The following PCDHA7 variants were observed in gnomAD, a reference collection of about 807,000 sequenced individuals.
The protein encoded by PCDHA7 is protocadherin alpha-7.
PCDHA7 carries 37 observed loss-of-function variants against 57.2 expected under a neutral mutation model. The ratio of observed to expected loss-of-function variants is 0.65; its 90% CI spans 0.50 to 0.85. The LOEUF (loss-of-function observed/expected upper bound fraction) is 0.85. PCDHA7 is among the 40% of genes least tolerant of loss of function. The pLI is 0.00. For synonymous variants in PCDHA7, 553 were observed against 558.8 expected (o/e 0.99, Z 0.15); for missense variants, 1,188 against 1,241.8 (o/e 0.96, Z 0.65).
Position 140,877,714 on chromosome 5 carries a change from T to G in PCDHA7, c.2355+40976T>G, listed in dbSNP as rs781999747. 3.1e-6 allele frequency: 5 copies of G among 1,613,836 alleles called. No homozygotes were observed. The highest frequency in any genetic ancestry group is 4.2e-6 in the Non-Finnish European group (5 of 1,179,978). ...GGTGTGCTCCAGCGCCGTGGGGAGTTGGTCTTACTCGCAGCAGAGGAGGCA... is the reference window on the plus strand; with the variant it reads ...GGTGTGCTCCAGCGCCGTGGGGAGTGGGTCTTACTCGCAGCAGAGGAGGCA... On this transcript the variant is annotated intron_variant, in intron 1 of 3. Coordinates refer to ENST00000525929, the MANE Select transcript of PCDHA7 (RefSeq NM_018910.3).
At chr5:140,931,508 A>G (rs1214894603) in intron 1 of PCDHA7, among the ~76,000 whole-genome samples, 8 of 152,078 alleles carry the variant, frequency 5.3e-5, no homozygotes, top group Non-Finnish European at 1.0e-4. Flanking sequence ...TTAAACATAT[A>G]TGAATGATTA....
At chr5:140,931,373 C>T (rs1290408788) in intron 1 of PCDHA7, among the ~76,000 whole-genome samples, 1 of 151,646 alleles carries the variant, frequency 6.6e-6, no homozygotes, top group Non-Finnish European at 1.5e-5. Context: ...TTTCACTAGA[C>T]TAGAAAGGAA....
At chr5:140,839,365 G>C (rs2150296771) in intron 1 of PCDHA7, among the ~76,000 whole-genome samples, 4 of 116,060 alleles carry the variant, frequency 3.4e-5, no homozygotes, top group East Asian at 2.4e-4. Flanking sequence ...CACCTAAGCT[G>C]TATTCATCAA....
At chr5:140,875,997 T>A (rs1441666431) in intron 1 of PCDHA7, 1 of 1,613,924 alleles carries the variant, frequency 6.2e-7, no homozygotes, top group East Asian at 2.2e-5. Flanking sequence ...TAAGTCTAAA[T>A]GAGAATTTTG....
chr5:140,928,231 C>T (rs2085058715), intron 1 of PCDHA7: 2 of 1,614,108 alleles, frequency 1.2e-6, no homozygotes, highest in South Asian at 2.2e-5. Context: ...AAACTTTCCT[C>T]AACCCCAGCA....
chr5:140,931,952 A>G (rs1159894265), intron 1 of PCDHA7, among the ~76,000 whole-genome samples: 2 of 151,970 alleles, frequency 1.3e-5, no homozygotes, highest in African/African-American at 4.8e-5. Flanking sequence ...AGTCTTACAG[A>G]ATCATGTTGA....
intron 1 of PCDHA7, chr5:140,863,447 G>A: frequency 1.7e-6 from 1 of 575,684 alleles, no homozygotes; most frequent in Non-Finnish European, 3.3e-6. Flanking sequence ...CTTACTCGCA[G>A]CAAAGGAGAT....
rs2150480213 is a variant in PCDHA7, at chr5:140,850,340, G to C, written c.2355+13602G>C. 0.013 allele frequency: 21,012 copies of C among 1,597,592 alleles called. 2,634 individuals are homozygous for C. The African/African-American group carries it at 0.2, about 15-fold the overall frequency. Reference sequence around the variant, plus strand: ...TTTCATACGAGCTGCAGCCAGAAACGGCCAGCGCGAGCATCCCGTTCCGCG... The same window carrying C: ...TTTCATACGAGCTGCAGCCAGAAACCGCCAGCGCGAGCATCCCGTTCCGCG... On this transcript the variant is annotated intron_variant, in intron 1 of 3. Coordinates refer to ENST00000525929, the MANE Select transcript of PCDHA7 (RefSeq NM_018910.3).
At chr5:140,948,519 CTA>C (rs2094266581) in intron 1 of PCDHA7, among the ~76,000 whole-genome samples, 1 of 151,476 alleles carries the variant, frequency 6.6e-6, no homozygotes, top group African/African-American at 2.4e-5. Context: ...AATGTTAACA[CTA>C]TTTATATTTT....
At position 140,858,238 on chromosome 5, in the gene PCDHA7, T is replaced by C. The variant is rs1351813678; in HGVS notation, c.2355+21500T>C. 3.1e-6 allele frequency: 5 copies of C among 1,595,920 alleles called. 1 individual carries two copies. Among genetic ancestry groups the C allele is most frequent in the Non-Finnish European group, 4.3e-6 (5 of 1,166,390 alleles). ...CGGCGGCGCCCACCGAGGGCGCATGTGGGCCGGTGAAGCCCACGCTGGTGT... is the reference window on the plus strand; with the variant it reads ...CGGCGGCGCCCACCGAGGGCGCATGCGGGCCGGTGAAGCCCACGCTGGTGT... On this transcript the variant is annotated intron_variant, in intron 1 of 3. Coordinates refer to ENST00000525929, the MANE Select transcript of PCDHA7 (RefSeq NM_018910.3).
chr5:140,883,865 T>C, intron 1 of PCDHA7: 2 of 1,613,076 alleles, frequency 1.2e-6, no homozygotes, highest in East Asian at 2.2e-5. Flanking sequence ...GCTGTTGCAG[T>C]TCCAGGTGAG....
chr5:140,841,897 T>C (rs1403032733), intron 1 of PCDHA7: 2 of 1,613,728 alleles, frequency 1.2e-6, no homozygotes, highest in Middle Eastern at 1.6e-4. Context: ...ATAAACTGGT[T>C]GAGCTCGTAT....
chr5:140,892,943 AC>A (rs2063750109), intron 1 of PCDHA7, among the ~76,000 whole-genome samples: 1 of 152,088 alleles, frequency 6.6e-6, no homozygotes, highest in South Asian at 2.1e-4. Flanking sequence ...TAAGCACAAT[AC>A]TACTTCCATG....
chr5:140,973,329 G>A (rs1303671094), intron 1 of PCDHA7, among the ~76,000 whole-genome samples: 6 of 152,112 alleles, frequency 3.9e-5, no homozygotes, highest in Non-Finnish European at 7.3e-5. Flanking sequence ...GTTTACACTC[G>A]TTGTAAAGTG....
intron 1 of PCDHA7, among the ~76,000 whole-genome samples, chr5:140,923,098 A>C (rs1003952878): frequency 5.9e-5 from 9 of 152,184 alleles, no homozygotes; most frequent in Non-Finnish European, 1.0e-4. Context: ...GACCAATGGG[A>C]GTATGATTTT....
rs1446596900 is a variant in PCDHA7 at position 140,900,305 on chromosome 5, C to T, written c.2355+63567C>T. On this transcript the variant is annotated intron_variant, in intron 1 of 3. Transcript: ENST00000525929. ...TTTCTTTTCTGTTTTTTTAGACAGTCTCACTTTTGTCGCCCAGGCTGGAGT... is the reference window on the plus strand; with the variant it reads ...TTTCTTTTCTGTTTTTTTAGACAGTTTCACTTTTGTCGCCCAGGCTGGAGT... Among the ~76,000 whole-genome samples the T allele has an allele frequency of 1.3e-4, 20 of 151,754 alleles. No homozygotes were observed. In the East Asian group the frequency reaches 3.9e-3, roughly 30 times the overall value.
At chr5:140,882,424 G>A in intron 1 of PCDHA7, 1 of 1,614,114 alleles carries the variant, frequency 6.2e-7, no homozygotes, top group Non-Finnish European at 8.5e-7. Context: ...CTCAGGACCT[G>A]GGGCTGGAGC....
intron 1 of PCDHA7, among the ~76,000 whole-genome samples, chr5:140,946,184 C>T (rs2093899107): frequency 6.6e-6 from 1 of 151,990 alleles, no homozygotes; most frequent in African/African-American, 2.4e-5. Context: ...TGTGAATAGA[C>T]ATTTCTCAAA....
chr5:140,927,720 G>T lies in PCDHA7; in HGVS notation c.2356-51229G>T. The T allele has an allele frequency of 3.1e-6, 5 of 1,614,174 alleles. No homozygotes were observed. The Middle Eastern group carries it at 4.9e-4, about 160-fold the overall frequency. On this transcript the variant is annotated intron_variant, in intron 1 of 3. Coordinates refer to ENST00000525929, the MANE Select transcript of PCDHA7 (RefSeq NM_018910.3). ...TCCAGTACTCCCTAAGCAACAGCACGCAAGCAGAGCTGCGACACCGCTTTC... is the reference window on the plus strand; with the variant it reads ...TCCAGTACTCCCTAAGCAACAGCACTCAAGCAGAGCTGCGACACCGCTTTC...
Sources: allele counts gnomAD v4.1 joint callset (sites outside exome capture counted in the v4.1 genomes callset), GRCh38; gene constraint gnomAD v4.1.1; transcripts MANE v1.5; gene names NCBI Gene and HGNC (gene_info 2026-07-23, HGNC 2026-07-21).